The following UTRN variants were observed in gnomAD, a reference collection of about 807,000 sequenced individuals.
UTRN encodes utrophin, also known as dystrophin-related protein 1.
A neutral mutation model predicts 463.9 loss-of-function variants in UTRN; 283 were observed. The ratio of observed to expected loss-of-function variants is 0.61; its 90% confidence interval spans 0.55 to 0.67. The LOEUF (loss-of-function observed/expected upper bound fraction) is 0.67, where lower values mean the gene tolerates loss of function less well. UTRN is among the 30% of genes least tolerant of loss of function. The pLI, the probability that UTRN is intolerant of heterozygous loss-of-function variation, is 0.00. For synonymous variants in UTRN, 1,442 were observed against 1,431.5 expected (o/e 1.01, Z -0.17); for missense variants, 3,922 against 4,084.3 (o/e 0.96, Z 1.08).
intron 23 of UTRN, among the ~76,000 whole-genome samples, chr6:144,464,459 T>C (rs1789730883): frequency 6.6e-6 from 1 of 152,036 alleles, no homozygotes; most frequent in South Asian, 2.1e-4. Context: ...CCAGTAATTA[T>C]GGAGAGAAAT....
intron 51 of UTRN, among the ~76,000 whole-genome samples, chr6:144,634,433 C>T (rs1776880152): frequency 2.0e-5 from 3 of 152,250 alleles, no homozygotes; most frequent in Admixed American, 2.0e-4. Context: ...AGATGCATGG[C>T]TGGGATGGCG....
At chr6:144,786,899 CA>C (rs1393860110) in intron 61 of UTRN, among the ~76,000 whole-genome samples, 2 of 152,092 alleles carry the variant, frequency 1.3e-5, no homozygotes, top group African/African-American at 4.8e-5. Context: ...GGGTAGGAAT[CA>C]TGTCTTCTGC....
chr6:144,680,400 A>T (rs1782086121), intron 52 of UTRN, among the ~76,000 whole-genome samples: 1 of 152,238 alleles, frequency 6.6e-6, no homozygotes, highest in Non-Finnish European at 1.5e-5. Flanking sequence ...TAAGTAAGTT[A>T]ACATTATTTT....
At chr6:144,452,105 T>C (rs1262545544) in intron 18 of UTRN, among the ~76,000 whole-genome samples, 1 of 152,152 alleles carries the variant, frequency 6.6e-6, no homozygotes, top group Non-Finnish European at 1.5e-5. Context: ...CCTGCCATCT[T>C]AAGAGGTAGC....
chr6:144,337,840 C>T (rs770797996), intron 2 of UTRN, among the ~76,000 whole-genome samples: 1 of 152,150 alleles, frequency 6.6e-6, no homozygotes, highest in Non-Finnish European at 1.5e-5. Context: ...GTCTCGAACT[C>T]CTGACCTCAG....
At chr6:144,604,130 G>A (rs759826196) in intron 51 of UTRN, among the ~76,000 whole-genome samples, 32 of 152,266 alleles carry the variant, frequency 2.1e-4, no homozygotes, top group Non-Finnish European at 3.7e-4. Flanking sequence ...CATCTAGGCA[G>A]TAGAAACAGT....
At chr6:144,828,999 T>C (rs1025529390) in intron 69 of UTRN, 144 bp downstream of exon 69, 14 of 850,656 alleles carry the variant, frequency 1.6e-5, no homozygotes, top group Non-Finnish European at 2.6e-5. Flanking sequence ...TACGTAGATT[T>C]TATGCTTTCA....
intron 39 of UTRN, among the ~76,000 whole-genome samples, chr6:144,520,859 G>T (rs535911577): frequency 6.6e-6 from 1 of 152,278 alleles, no homozygotes; most frequent in South Asian, 2.1e-4. Context: ...CTTAATTCAT[G>T]AGCAGCTGCA....
chr6:144,549,250 A>G (rs928257989), intron 47 of UTRN, among the ~76,000 whole-genome samples: 1 of 152,216 alleles, frequency 6.6e-6, no homozygotes, highest in African/African-American at 2.4e-5. Flanking sequence ...AATATCTCCT[A>G]TAACTTTACT....
intron 2 of UTRN, among the ~76,000 whole-genome samples, chr6:144,370,673 C>T (rs1779902750): frequency 6.6e-6 from 1 of 152,164 alleles, no homozygotes; most frequent in Non-Finnish European, 1.5e-5. Context: ...TGACAGCTAA[C>T]ATCGTGCACC....
intron 51 of UTRN, among the ~76,000 whole-genome samples, chr6:144,662,072 C>T (rs1200253107): frequency 1.3e-5 from 2 of 151,958 alleles, no homozygotes; most frequent in Non-Finnish European, 1.5e-5. Flanking sequence ...TGATGTAATT[C>T]TCAGTCTGAA....
chr6:144,301,522 A>ATCTT (rs1183345997), intron 2 of UTRN, among the ~76,000 whole-genome samples: 6 of 132,372 alleles, frequency 4.5e-5, no homozygotes, highest in Admixed American at 1.5e-4. Context: ...ATGCCATCCT[A>ATCTT]TCTTTCTTTC....
intron 54 of UTRN, among the ~76,000 whole-genome samples, chr6:144,732,317 A>G (rs1788775454): frequency 6.8e-6 from 1 of 147,028 alleles, no homozygotes; most frequent in South Asian, 2.2e-4. Context: ...TATATAAAAA[A>G]TGTATACACA....
intron 41 of UTRN, among the ~76,000 whole-genome samples, chr6:144,529,227 G>C (rs367747220): frequency 1.3e-5 from 2 of 152,330 alleles, no homozygotes; most frequent in East Asian, 3.9e-4. Flanking sequence ...CTGGTGAGCA[G>C]GGTTGAGAAC....
At chr6:144,743,436 T>C (rs539464205) in intron 54 of UTRN, among the ~76,000 whole-genome samples, 88 of 152,350 alleles carry the variant, frequency 5.8e-4, no homozygotes, top group African/African-American at 1.9e-3. Flanking sequence ...AAGAGTTTTT[T>C]TTCCTCTACT....
chr6:144,289,739 C>G (rs1238903341), intron 1 of UTRN, among the ~76,000 whole-genome samples: 1 of 152,186 alleles, frequency 6.6e-6, no homozygotes, highest in Non-Finnish European at 1.5e-5. Flanking sequence ...ACCACCGCCT[C>G]CTGGATTCAA....
intron 14 of UTRN, among the ~76,000 whole-genome samples, chr6:144,444,739 T>C (rs1787496517): frequency 6.6e-6 from 1 of 152,098 alleles, no homozygotes; most frequent in Non-Finnish European, 1.5e-5. Context: ...GCTCAGTAAA[T>C]AATGAGTAAT....
chr6:144,330,411 G>A (rs1318254105), intron 2 of UTRN, among the ~76,000 whole-genome samples: 1 of 152,186 alleles, frequency 6.6e-6, no homozygotes, highest in Non-Finnish European at 1.5e-5. Context: ...AAAGCATTAG[G>A]AATTAGTCTG....
intron 68 of UTRN, among the ~76,000 whole-genome samples, chr6:144,828,201 G>A (rs900456988): frequency 6.6e-6 from 1 of 152,148 alleles, no homozygotes; most frequent in Non-Finnish European, 1.5e-5. Context: ...CATAAAAATG[G>A]TAACATTTGA....
Sources: allele counts gnomAD v4.1 joint callset (sites outside exome capture counted in the v4.1 genomes callset), GRCh38; gene constraint gnomAD v4.1.1; transcripts MANE v1.5; gene names NCBI Gene and HGNC (gene_info 2026-07-23, HGNC 2026-07-21).